The following VPS13B variants were observed in gnomAD, a reference collection of about 807,000 sequenced individuals.
The protein encoded by VPS13B is intermembrane lipid transfer protein VPS13B.
VPS13B carries 285 observed loss-of-function variants against 426.4 expected under a neutral mutation model. The ratio of observed to expected loss-of-function variants is 0.67; its 90% CI spans 0.61 to 0.74. The LOEUF is 0.74. VPS13B is among the 30% of genes least tolerant of loss of function. The probability of loss-of-function intolerance (pLI) is 0.00; values close to 1 mark genes in which losing one functional copy is unlikely to be tolerated. For missense variants in VPS13B, 4,537 were observed against 4,782.6 expected (o/e 0.95, Z 1.51); for synonymous variants, 1,676 against 1,676.4 (o/e 1.00, Z 0.01).
In VPS13B at chr8:99,115,639, A is replaced by G. The variant is rs1847618693; in HGVS notation, c.763-61A>G. 6 of 1,530,038 alleles carry G rather than the reference A, an allele frequency of 3.9e-6. No individual in the cohort carries two copies. In the East Asian group the frequency reaches 1.1e-4, roughly 29 times the overall value. The allele number at this position is 1,530,038 out of a possible 1,614,324, so 94.8% of individuals were successfully genotyped here. A position where few individuals can be genotyped will look rare whatever the true frequency, so the allele number is the denominator to read the frequency against. ...TTTAAAGACTTTAAAACATTTCTTT[A>G]TGTAAAAAATACTCTTTTTAAACAT... On this transcript the variant is annotated intron_variant, in intron 6 of 61. Transcript: ENST00000357162.
At chr8:99,050,504 T>C (rs1418607138) in intron 3 of VPS13B, among the ~76,000 whole-genome samples, 2 of 152,210 alleles carry the variant, frequency 1.3e-5, no homozygotes, top group African/African-American at 4.8e-5. Flanking sequence ...TACGTGTGCA[T>C]GTGTCTTTAT....
At chr8:99,529,922 T>G (rs1346099759) in intron 30 of VPS13B, among the ~76,000 whole-genome samples, 2 of 152,212 alleles carry the variant, frequency 1.3e-5, no homozygotes, top group African/African-American at 4.8e-5. Flanking sequence ...TACCACTAGT[T>G]GCTTCTTTAC....
At chr8:99,510,163 C>T (rs1821708726) in intron 28 of VPS13B, among the ~76,000 whole-genome samples, 1 of 152,184 alleles carries the variant, frequency 6.6e-6, no homozygotes, top group African/African-American at 2.4e-5. Context: ...TATATTGTTA[C>T]ATCACATTAC....
At position 99,442,552 on chromosome 8, in the gene VPS13B, T is replaced by A. The variant is rs1334294839; in HGVS notation, c.3362T>A (p.Ile1121Lys). ...PGTLVLCLPQ[I>K]KIISAGHKYM... ...ACACTTGTCCTCTGTTTGCCTCAAA[T>A]AAAGATTATTAGTGCTGGGCACAAG... Residue 1121 changes from isoleucine (I) to lysine (K), a missense_variant, in exon 23 of 62, where the codon ATA becomes AAA. Physicochemically the swap from Ile to Lys is moderately radical, Grantham distance 102. Around this residue, in one of 2 missense-constraint regions of VPS13B, gnomAD observed 4,311 missense variants for 4,474.3 expected, o/e 0.96. Coordinates refer to ENST00000357162, the MANE Select transcript of VPS13B (RefSeq NM_152564.5). The A allele has an allele frequency of 6.2e-7, 1 of 1,613,866 alleles. No homozygotes were observed. Among genetic ancestry groups the A allele is most frequent in the African/African-American group, 1.3e-5 (1 of 74,900 alleles).
chr8:99,808,283 G>C (rs1228781242), intron 43 of VPS13B, among the ~76,000 whole-genome samples: 1 of 152,092 alleles, frequency 6.6e-6, no homozygotes, highest in Non-Finnish European at 1.5e-5. Context: ...CACTTTGGGA[G>C]GCCGAGGCAA....
At chr8:99,830,656 ACTC>A (rs937924701) in intron 51 of VPS13B, among the ~76,000 whole-genome samples, 2 of 151,354 alleles carry the variant, frequency 1.3e-5, no homozygotes, top group African/African-American at 4.9e-5. Flanking sequence ...ATGAAAAAAA[ACTC>A]CTGCAGCTAG....
At chr8:99,115,328 A>G (rs1847599264) in intron 6 of VPS13B, among the ~76,000 whole-genome samples, 1 of 151,944 alleles carries the variant, frequency 6.6e-6, no homozygotes, top group Non-Finnish European at 1.5e-5. Context: ...GTTTTGACAG[A>G]TTGTTCTGTT....
intron 21 of VPS13B, among the ~76,000 whole-genome samples, chr8:99,421,887 G>C (rs191253876): frequency 5.9e-4 from 90 of 152,122 alleles, no homozygotes; most frequent in African/African-American, 2.0e-3. Context: ...TTACCATGTT[G>C]TCCAGGATGA....
intron 54 of VPS13B, among the ~76,000 whole-genome samples, chr8:99,841,465 T>C (rs1416174121): frequency 6.6e-6 from 1 of 152,204 alleles, no homozygotes; most frequent in Admixed American, 6.5e-5. Context: ...GTTTTCCCAG[T>C]ACAAAAACCA....
At chr8:99,523,381 C>G (rs1822478739) in intron 30 of VPS13B, among the ~76,000 whole-genome samples, 3 of 152,170 alleles carry the variant, frequency 2.0e-5, no homozygotes, top group Admixed American at 6.5e-5. Flanking sequence ...AGGCCATAGC[C>G]AGGCAGTGGT....
intron 25 of VPS13B, among the ~76,000 whole-genome samples, chr8:99,492,793 A>G (rs1329818890): frequency 6.6e-6 from 1 of 152,130 alleles, no homozygotes; most frequent in Non-Finnish European, 1.5e-5. Flanking sequence ...TTTGGCAGGA[A>G]AGGGAAATCC....
chr8:99,503,969 A>G (rs1821367209), intron 27 of VPS13B, among the ~76,000 whole-genome samples: 1 of 152,208 alleles, frequency 6.6e-6, no homozygotes, highest in African/African-American at 2.4e-5. Context: ...CGGAAGAATC[A>G]CTATCTGATA....
chr8:99,215,706 A>G (rs576494152), intron 17 of VPS13B, among the ~76,000 whole-genome samples: 17 of 152,234 alleles, frequency 1.1e-4, no homozygotes, highest in African/African-American at 3.4e-4. Context: ...TCAGTGCCCA[A>G]GGTTTTCGTT....
chr8:99,868,049 A>T, intron 58 of VPS13B: 1 of 483,052 alleles, frequency 2.1e-6, no homozygotes, highest in South Asian at 2.1e-5. Context: ...TCTGAACTAA[A>T]CTTCACAGAT....
At chr8:99,850,396 C>A (rs1031560894) in intron 55 of VPS13B, among the ~76,000 whole-genome samples, 1 of 148,594 alleles carries the variant, frequency 6.7e-6, no homozygotes, top group Non-Finnish European at 1.5e-5. Context: ...TACATAAGTA[C>A]GCATGTATGT....
Position 99,823,863 on chromosome 8 carries a change from A to G in VPS13B, c.9215A>G (p.Gln3072Arg). ...CAGTTCTGCATTTCCTCCATGGTAC[A>G]GCAAGGTATACAAATTATTCAGATT... is the stretch of plus-strand genomic sequence containing the variant. ...LCQFCISSMV[Q>R]QGIQIIQIED... Residue 3072 changes from glutamine (Q) to arginine (R), a missense_variant, in exon 51 of 62, where the codon CAG (glutamine) becomes CGG (arginine). By Grantham distance (43) the Gln-to-Arg change is conservative. This residue lies in a region of VPS13B where 4,311 missense variants were observed against 4,474.3 expected (regional missense o/e 0.96). Transcript: ENST00000357162. 1 of 1,613,748 alleles carries G rather than the reference A, an allele frequency of 6.2e-7. No homozygotes were observed. Among genetic ancestry groups the G allele is most frequent in the Non-Finnish European group, 8.5e-7 (1 of 1,179,860 alleles).
At chr8:99,430,376 G>A (rs1338494622) in intron 21 of VPS13B, among the ~76,000 whole-genome samples, 3 of 151,848 alleles carry the variant, frequency 2.0e-5, no homozygotes, top group Non-Finnish European at 2.9e-5. Flanking sequence ...ATTTATTTAG[G>A]TCTGATTTAT....
At chr8:99,680,221 A>C (rs1347051541) in intron 35 of VPS13B, among the ~76,000 whole-genome samples, 1 of 152,192 alleles carries the variant, frequency 6.6e-6, no homozygotes, top group Non-Finnish European at 1.5e-5. Flanking sequence ...AATGTAAGTA[A>C]TATGATGACT....
At chr8:99,123,340 G>T (rs140003384) in intron 8 of VPS13B, among the ~76,000 whole-genome samples, 163 of 152,208 alleles carry the variant, frequency 1.1e-3, no homozygotes, top group African/African-American at 3.9e-3. Context: ...AGGCACCAGA[G>T]TTCAAGAAAC....
Sources: allele counts gnomAD v4.1 joint callset (sites outside exome capture counted in the v4.1 genomes callset), GRCh38; gene constraint gnomAD v4.1.1; regional missense constraint gnomAD v4.1.1; transcripts MANE v1.5; gene names NCBI Gene and HGNC (gene_info 2026-07-23, HGNC 2026-07-21).